IL1RAPL2: variants seen among roughly 807,000 people sequenced by gnomAD.
IL1RAPL2 encodes the protein X-linked interleukin-1 receptor accessory protein-like 2.
A neutral mutation model predicts 44.1 loss-of-function variants in IL1RAPL2; 3 were observed. That is an observed-to-expected ratio of 0.07 (90% confidence interval 0.03 to 0.18). The LOEUF (loss-of-function observed/expected upper bound fraction) is 0.18. Ranked by LOEUF, IL1RAPL2 falls within the 10% of genes least tolerant of loss-of-function variation. The probability of loss-of-function intolerance (pLI) is 1.00; values close to 1 mark genes in which losing one functional copy is unlikely to be tolerated. For missense variants in IL1RAPL2, 391 were observed against 496.4 expected (o/e 0.79, Z 2.02); for synonymous variants, 181 against 178.8 (o/e 1.01, Z -0.10).
At chrX:105,009,744 TATAATA>T (rs1184402404) in intron 2 of IL1RAPL2, among the ~76,000 whole-genome samples, 1 of 109,625 alleles carries the variant, frequency 9.1e-6, no homozygotes, top group African/African-American at 3.3e-5. Context: ...AAACTTAAAG[TATAATA>T]ATAATAAAAT....
chrX:104,643,175 A>T (rs1412872479), intron 1 of IL1RAPL2, among the ~76,000 whole-genome samples: 3 of 111,915 alleles, frequency 2.7e-5, no homozygotes, highest in Admixed American at 9.5e-5. Flanking sequence ...TTGATCAGCA[A>T]AAGGGGGATC....
intron 1 of IL1RAPL2, among the ~76,000 whole-genome samples, chrX:104,636,128 G>A (rs933311965): frequency 1.8e-5 from 2 of 111,881 alleles, no homozygotes; most frequent in African/African-American, 6.5e-5. Flanking sequence ...TGTTTGCCTG[G>A]GTATCAGCAG....
At chrX:105,728,340 G>GTCTT (rs2038370054) in intron 7 of IL1RAPL2, among the ~76,000 whole-genome samples, 1 of 111,074 alleles carries the variant, frequency 9.0e-6, no homozygotes, top group South Asian at 3.7e-4. Context: ...GTTCCTACAT[G>GTCTT]TCTTTTCATG....
chrX:105,723,062 T>G (rs908453953), intron 7 of IL1RAPL2, among the ~76,000 whole-genome samples: 1 of 111,599 alleles, frequency 9.0e-6, no homozygotes, highest in African/African-American at 3.3e-5. Context: ...AATTTTATCT[T>G]TAATTCATTT....
At chrX:105,640,638 A>T (rs1459540133) in intron 6 of IL1RAPL2, among the ~76,000 whole-genome samples, 1 of 86,686 alleles carries the variant, frequency 1.2e-5, no homozygotes, top group African/African-American at 4.1e-5. Flanking sequence ...AAAGTACACA[A>T]ATTATGTATG....
chrX:104,923,980 T>C (rs1464729247), intron 2 of IL1RAPL2, among the ~76,000 whole-genome samples: 2 of 103,644 alleles, frequency 1.9e-5, no homozygotes, highest in African/African-American at 3.5e-5. Context: ...ATTATGCAAA[T>C]GGAAAACAAA....
intron 5 of IL1RAPL2, chrX:105,406,349 A>T: frequency 9.4e-7 from 1 of 1,062,970 alleles, no homozygotes; most frequent in Non-Finnish European, 1.3e-6. Flanking sequence ...TGGACAGCTC[A>T]TTGTAAATGA....
intron 2 of IL1RAPL2, among the ~76,000 whole-genome samples, chrX:105,019,628 A>G (rs765454253): frequency 3.6e-5 from 4 of 111,578 alleles, no homozygotes. Flanking sequence ...AAAGAGCTAC[A>G]CTGTAATAGT....
intron 2 of IL1RAPL2, among the ~76,000 whole-genome samples, chrX:105,137,330 CA>C (rs899705620): frequency 4.5e-5 from 5 of 112,346 alleles, no homozygotes; most frequent in Non-Finnish European, 9.4e-5. Flanking sequence ...GCTGTATTAG[CA>C]CAGATGTAGA....
chrX:105,412,889 T>C (rs894263677), intron 5 of IL1RAPL2, among the ~76,000 whole-genome samples: 4 of 112,218 alleles, frequency 3.6e-5, no homozygotes, highest in African/African-American at 1.3e-4. Context: ...TTCTTCTAAT[T>C]GACTTTGATT....
chrX:105,284,662 C>T (rs188934435), intron 5 of IL1RAPL2, among the ~76,000 whole-genome samples: 13 of 111,772 alleles, frequency 1.2e-4, no homozygotes, highest in Admixed American at 5.7e-4. Context: ...TATGCAATGA[C>T]GACTTCTCAA....
rs138500792 is a variant in IL1RAPL2, at chrX:105,246,214, G to A, written c.543+12210G>A. On this transcript the variant is annotated intron_variant, in intron 4 of 10. Transcript: ENST00000372582. Reference sequence around the variant, plus strand: ...TCTTTGTCTTGAGTAAAGGGCAGCAGACATACCTGTTTTTAATCACAGACA... The same window carrying A: ...TCTTTGTCTTGAGTAAAGGGCAGCAAACATACCTGTTTTTAATCACAGACA... Among the ~76,000 whole-genome samples the A allele has an allele frequency of 3.3e-3, 367 of 112,480 alleles. 1 individual carries two copies. The highest frequency in any genetic ancestry group is 5.8e-3 in the Non-Finnish European group (308 of 53,242).
intron 5 of IL1RAPL2, among the ~76,000 whole-genome samples, chrX:105,328,282 A>G (rs1318265957): frequency 2.7e-5 from 3 of 111,555 alleles, no homozygotes; most frequent in Non-Finnish European, 5.7e-5. Flanking sequence ...CAAAAATATT[A>G]TCAGTTTTTT....
At chrX:105,083,103 C>T (rs1332065102) in intron 2 of IL1RAPL2, among the ~76,000 whole-genome samples, 2 of 110,864 alleles carry the variant, frequency 1.8e-5, no homozygotes, top group Non-Finnish European at 3.8e-5. Context: ...TAAAGAAGAA[C>T]ATAAATGACC....
At chrX:104,893,833 T>C (rs1222560941) in intron 2 of IL1RAPL2, among the ~76,000 whole-genome samples, 2 of 111,804 alleles carry the variant, frequency 1.8e-5, no homozygotes, top group Admixed American at 9.5e-5. Context: ...GTCATTATGA[T>C]GTTAGCTGGT....
chrX:105,630,751 G>A (rs2059357077), intron 6 of IL1RAPL2, among the ~76,000 whole-genome samples: 1 of 110,256 alleles, frequency 9.1e-6, no homozygotes, highest in Admixed American at 9.7e-5. Context: ...TGAAGTATGA[G>A]AAGAATAAAT....
chrX:105,464,765 G>A (rs5916912), intron 5 of IL1RAPL2, among the ~76,000 whole-genome samples: 2 of 111,196 alleles, frequency 1.8e-5, no homozygotes, highest in Admixed American at 9.6e-5. Flanking sequence ...ACTTATTCCA[G>A]AGTCATGGGT....
chrX:105,459,960 G>C (rs761560874), intron 5 of IL1RAPL2, among the ~76,000 whole-genome samples: 1 of 110,644 alleles, frequency 9.0e-6, no homozygotes, highest in Non-Finnish European at 1.9e-5. Flanking sequence ...AATATAATCC[G>C]GTACTTCAAT....
At chrX:105,297,128 G>T (rs59488901) in intron 5 of IL1RAPL2, among the ~76,000 whole-genome samples, 3,456 of 112,164 alleles carry the variant, frequency 0.031, 132 homozygotes, top group African/African-American at 0.11. Flanking sequence ...TGTATGAGGT[G>T]AAAGATTTGG....
Sources: allele counts gnomAD v4.1 joint callset (sites outside exome capture counted in the v4.1 genomes callset), GRCh38; gene constraint gnomAD v4.1.1; transcripts MANE v1.5; gene names NCBI Gene and HGNC (gene_info 2026-07-23, HGNC 2026-07-21).